Variants in RABGAP1L observed in about 807,000 individuals in gnomAD.
RABGAP1L encodes the protein RAB GTPase activating protein 1 like, also known as rab GTPase-activating protein 1-like.
In RABGAP1L, 63 loss-of-function variants were observed where a neutral mutation model predicts 137.7. That is an observed-to-expected ratio of 0.46 (90% CI 0.37 to 0.56). The LOEUF (loss-of-function observed/expected upper bound fraction) is 0.56, where lower values mean the gene tolerates loss of function less well. Among genes scored for constraint, RABGAP1L ranks in the 20% least tolerant of loss-of-function variants. The pLI is 0.00. For missense variants in RABGAP1L, 1,095 were observed against 1,244.0 expected, an observed-to-expected ratio of 0.88 and a Z score of 1.80; for synonymous variants, 431 against 433.7, an observed-to-expected ratio of 0.99 and a Z score of 0.08.
At chr1:174,686,448 C>A (rs868316475) in intron 15 of RABGAP1L, among the ~76,000 whole-genome samples, 1 of 151,946 alleles carries the variant, frequency 6.6e-6, no homozygotes, top group Non-Finnish European at 1.5e-5. Flanking sequence ...TCTCAGGGGC[C>A]CTTGTTCCCC....
intron 18 of RABGAP1L, among the ~76,000 whole-genome samples, chr1:174,788,075 T>C (rs918357105): frequency 1.3e-5 from 2 of 152,246 alleles, no homozygotes; most frequent in African/African-American, 2.4e-5. Flanking sequence ...TTCTCACTTA[T>C]GGCATTTAGT....
chr1:174,634,829 A>G (rs1469037962), intron 13 of RABGAP1L, among the ~76,000 whole-genome samples: 1 of 144,876 alleles, frequency 6.9e-6, no homozygotes, highest in Non-Finnish European at 1.5e-5. Context: ...TGGGAATTGA[A>G]CAATGAGATC....
chr1:174,906,062 G>C (rs1192102973), intron 19 of RABGAP1L, among the ~76,000 whole-genome samples: 1 of 152,082 alleles, frequency 6.6e-6, no homozygotes, highest in Non-Finnish European at 1.5e-5. Flanking sequence ...CTATCACCCA[G>C]GTCGGAGTGC....
chr1:174,573,315 T>C (rs1481743965), intron 13 of RABGAP1L, among the ~76,000 whole-genome samples: 1 of 151,438 alleles, frequency 6.6e-6, no homozygotes, highest in Non-Finnish European at 1.5e-5. Context: ...ATATATAATT[T>C]GTGTGTGTGT....
rs1678720649 is a variant in RABGAP1L, at chr1:174,310,468, T to G, written c.1465+5341T>G. On this transcript the variant is annotated intron_variant, in intron 11 of 25. Transcript: ENST00000681986. ...GTCTTATATATTATTTAGTCTAGAG[T>G]GTACATTAAGTCTGATGTTCCTTTA... 2.0e-5 allele frequency among the ~76,000 whole-genome samples: 3 copies of G among 152,150 alleles called. No homozygotes were observed. In the South Asian group the frequency reaches 6.2e-4, roughly 31 times the overall value.
At chr1:174,318,712 A>G (rs1334993404) in intron 11 of RABGAP1L, among the ~76,000 whole-genome samples, 1 of 149,332 alleles carries the variant, frequency 6.7e-6, no homozygotes, top group African/African-American at 2.5e-5. Flanking sequence ...ATATTTTATA[A>G]TGGCATACTT....
chr1:174,321,439 G>A lies in RABGAP1L; in HGVS notation c.1465+16312G>A, dbSNP rs150789168. Among the ~76,000 whole-genome samples, 35 of 152,068 alleles carry A rather than the reference G, an allele frequency of 2.3e-4. No homozygotes were observed. In the East Asian group the frequency reaches 6.8e-3, roughly 29 times the overall value. On this transcript the variant is annotated intron_variant, in intron 11 of 25. Coordinates refer to ENST00000681986, the MANE Select transcript of RABGAP1L (RefSeq NM_001366446.1). ...AAAAACTTGCTGGTTTTGTGGCTTG[G>A]GGGGCATCATGGAAACTGCCGACAT... is the stretch of plus-strand genomic sequence containing the variant.
rs549686290 is a variant in RABGAP1L, at chr1:174,589,935, T to C, written c.1711-47440T>C. ...TCTTTTTGTTTAGGATGGCTTAGGC[T>C]ATTCCAGGTCTTTCATGGGTTCCAT... On this transcript the variant is annotated intron_variant, in intron 13 of 25. Coordinates refer to ENST00000681986, the MANE Select transcript of RABGAP1L (RefSeq NM_001366446.1). Among the ~76,000 whole-genome samples, 4 of 152,312 alleles carry C rather than the reference T, an allele frequency of 2.6e-5. No homozygotes were observed. The East Asian group carries it at 5.8e-4, about 22-fold the overall frequency.
At chr1:174,984,772 T>C (rs1671445551) in intron 24 of RABGAP1L, among the ~76,000 whole-genome samples, 1 of 151,978 alleles carries the variant, frequency 6.6e-6, no homozygotes, top group African/African-American at 2.4e-5. Flanking sequence ...AAAAAAGTGC[T>C]AAGTTGGATC....
chr1:174,929,707 C>T (rs934162448), intron 19 of RABGAP1L, among the ~76,000 whole-genome samples: 22 of 150,508 alleles, frequency 1.5e-4, no homozygotes, highest in East Asian at 3.9e-4. Context: ...CATATCACTG[C>T]GCTATATTCC....
intron 17 of RABGAP1L, among the ~76,000 whole-genome samples, chr1:174,738,693 CTG>C (rs1683152758): frequency 6.6e-6 from 1 of 152,156 alleles, no homozygotes; most frequent in African/African-American, 2.4e-5. Flanking sequence ...AGAAATGAAA[CTG>C]TGATATGGAT....
At chr1:174,312,105 T>C (rs1156594868) in intron 11 of RABGAP1L, among the ~76,000 whole-genome samples, 1 of 152,230 alleles carries the variant, frequency 6.6e-6, no homozygotes, top group African/African-American at 2.4e-5. Context: ...GTTGGAAATA[T>C]ACCCAGCAGT....
At chr1:174,548,100 A>C (rs764001370) in intron 13 of RABGAP1L, 1 of 1,540,922 alleles carries the variant, frequency 6.5e-7, no homozygotes, top group East Asian at 2.5e-5. Flanking sequence ...CTTTCTTTGC[A>C]TGGGAGGTTG....
chr1:174,665,310 C>T (rs1275103654), intron 14 of RABGAP1L, among the ~76,000 whole-genome samples: 5 of 151,992 alleles, frequency 3.3e-5, no homozygotes, highest in African/African-American at 1.2e-4. Context: ...TTTTTAGTGC[C>T]TTAGTCTGCC....
chr1:174,495,112 AATG>A (rs1305816608), intron 13 of RABGAP1L, among the ~76,000 whole-genome samples: 1 of 152,142 alleles, frequency 6.6e-6, no homozygotes, highest in Non-Finnish European at 1.5e-5. Context: ...TAAGGCTTAT[AATG>A]AGTGTTTGCC....
chr1:174,570,739 TA>T (rs1667913035), intron 13 of RABGAP1L, among the ~76,000 whole-genome samples: 1 of 152,088 alleles, frequency 6.6e-6, no homozygotes, highest in Non-Finnish European at 1.5e-5. Flanking sequence ...TCATCCCAGT[TA>T]AAATGGCTTT....
chr1:174,210,999 C>G (rs1034225865), intron 1 of RABGAP1L, among the ~76,000 whole-genome samples: 1 of 152,020 alleles, frequency 6.6e-6, no homozygotes, highest in Non-Finnish European at 1.5e-5. Context: ...GTGAAAATAT[C>G]CTTTAAACAT....
intron 18 of RABGAP1L, among the ~76,000 whole-genome samples, chr1:174,782,948 G>T (rs1018995957): frequency 6.6e-6 from 1 of 152,162 alleles, no homozygotes; most frequent in African/African-American, 2.4e-5. Flanking sequence ...AGCTGGGATC[G>T]GGCAACCCCC....
At chr1:174,202,992 A>G (rs1668240426) in intron 1 of RABGAP1L, among the ~76,000 whole-genome samples, 1 of 152,008 alleles carries the variant, frequency 6.6e-6, no homozygotes, top group South Asian at 2.1e-4. Flanking sequence ...TTTGCTGTGC[A>G]GAAGCTCATG....
Sources: gnomAD v4.1 joint callset for allele counts (sites outside exome capture counted in the v4.1 genomes callset) on GRCh38, gnomAD v4.1.1 for gene constraint, MANE v1.5 for transcripts, NCBI Gene and HGNC (gene_info 2026-07-23, HGNC 2026-07-21) for gene names.